The following DNAH12 variants were observed in gnomAD, a reference collection of about 807,000 sequenced individuals.
DNAH12 encodes dynein axonemal heavy chain 12.
DNAH12 carries 285 observed loss-of-function variants against 371.5 expected under a neutral mutation model. That is an observed-to-expected ratio of 0.77 (90% confidence interval 0.70 to 0.85). The LOEUF (loss-of-function observed/expected upper bound fraction) is 0.85, where lower values mean the gene tolerates loss of function less well. Ranked by LOEUF, DNAH12 falls within the 40% of genes least tolerant of loss-of-function variation. DNAH12 has a pLI of 0.00. For synonymous variants in DNAH12, 1,200 were observed against 1,213.0 expected, an observed-to-expected ratio of 0.99 and a Z score of 0.22; for missense variants, 3,611 against 3,689.4, an observed-to-expected ratio of 0.98 and a Z score of 0.55.
chr3:57,375,732 C>CCATTAG (rs1553668979), intron 54 of DNAH12, 86 bp downstream of exon 54: 1 of 132,484 alleles, frequency 7.5e-6, no homozygotes, highest in Admixed American at 7.0e-5. Context: ...TTCTCTTCTG[C>CCATTAG]CATTATTATC....
Position 57,310,963 on chromosome 3 carries a change from A to T in DNAH12, c.10663-13T>A. 6.6e-7 allele frequency: 1 copy of T among 1,517,604 alleles called. No homozygotes were observed. Among genetic ancestry groups the T allele is most frequent in the Non-Finnish European group, 8.9e-7 (1 of 1,118,034 alleles). The allele number at this position is 1,517,604 out of a possible 1,614,324, so 94.0% of individuals were successfully genotyped here. The stretch of plus-strand genomic sequence containing the variant: ...CATTGATAAATAACTGAAGCAAAGG[A>T]AAAATGAAACAAGAAAAACCTTAAA... On this transcript the variant is annotated splice_polypyrimidine_tract_variant and intron_variant, in intron 66 of 73. Coordinates refer to ENST00000495027, the MANE Select transcript of DNAH12 (RefSeq NM_001366028.2).
chr3:57,383,387 G>A (rs1206730192), intron 49 of DNAH12, among the ~76,000 whole-genome samples: 16 of 152,088 alleles, frequency 1.1e-4, no homozygotes, highest in South Asian at 2.1e-4. Flanking sequence ...ATTGGTGAGA[G>A]TTTGAAGCCA....
At chr3:57,402,359 T>C (rs1316057475) in intron 43 of DNAH12, 48 of 1,298,062 alleles carry the variant, frequency 3.7e-5, no homozygotes, top group Non-Finnish European at 4.6e-5. Context: ...TACAGACCCC[T>C]AGGCATATAA....
At position 57,444,738 on chromosome 3, in the gene DNAH12, C is replaced by A; in HGVS notation, c.4504G>T (p.Asp1502Tyr). ...GGAAGTTTAATACCAGGAAATAAGT[C>A]ACTAGTTATTCCATTAAATAAAGGT... ...DIPLFNGITS[D>Y]LFPGIKLPEA... Residue 1502 changes from aspartate (D) to tyrosine (Y), a missense_variant, in exon 29 of 74, where the codon GAC becomes TAC. Asp to Tyr is a radical substitution (Grantham distance 160). This residue lies in a region of DNAH12 where 2,266 missense variants were observed against 2,236.9 expected (regional missense o/e 1.01). Transcript: ENST00000495027. 1.3e-6 allele frequency: 2 copies of A among 1,549,850 alleles called. No homozygotes were observed. Among genetic ancestry groups the A allele is most frequent in the South Asian group, 2.4e-5 (2 of 83,632 alleles).
chr3:57,328,179 G>C (rs1383501980), intron 62 of DNAH12, among the ~76,000 whole-genome samples: 1 of 149,270 alleles, frequency 6.7e-6, no homozygotes, highest in African/African-American at 2.5e-5. Context: ...CCAATCAATA[G>C]AAAAAGAGGG....
intron 30 of DNAH12, among the ~76,000 whole-genome samples, chr3:57,435,573 T>C (rs17058154): frequency 0.014 from 2,157 of 152,076 alleles, 54 homozygotes; most frequent in African/African-American, 0.049. Context: ...TAGAATCAAA[T>C]AGATAAAAAG....
Position 57,316,729 on chromosome 3 carries a change from C to T in DNAH12, c.10525-2098G>A, listed in dbSNP as rs1473458361. On this transcript the variant is annotated intron_variant, in intron 65 of 73. Transcript: ENST00000495027. ...CTGTTCTTGTGATAGTGAGTTCTCA[C>T]GAGATCCGATGGTTTTATAAGTGTT... Among the ~76,000 whole-genome samples the T allele has an allele frequency of 3.9e-5, 6 of 152,180 alleles. No individual in the cohort carries two copies. In the East Asian group the frequency reaches 7.7e-4, roughly 20 times the overall value.
At chr3:57,390,424 A>AAAAAAATATATATATATATATATAT in intron 45 of DNAH12, among the ~76,000 whole-genome samples, 7 of 33,428 alleles carry the variant, frequency 2.1e-4, no homozygotes, top group South Asian at 2.7e-3. Context: ...AAAAAAAAAA[A>AAAAAAATATATATATATATATATAT]ATATATATAT....
chr3:57,392,353 G>GA (rs1443110888), intron 44 of DNAH12, among the ~76,000 whole-genome samples: 1 of 151,940 alleles, frequency 6.6e-6, no homozygotes, highest in African/African-American at 2.4e-5. Flanking sequence ...GTTTTTAAGA[G>GA]AAAAAAATGT....
At position 57,445,426 on chromosome 3, in the gene DNAH12, T is replaced by C. The variant is rs956352217; in HGVS notation, c.4180-7A>G. 2.7e-5 allele frequency: 40 copies of C among 1,505,842 alleles called. No individual in the cohort carries two copies. The African/African-American group carries it at 5.4e-4, about 20-fold the overall frequency. 93.3% of individuals were successfully genotyped at this position (1,505,842 alleles called of 1,614,324 possible). ...CCACTGTTCTAAAAAGAACCTGAAG[T>C]ATAAAATAAATGAAATATATTACGT... On this transcript the variant is annotated splice_region_variant and splice_polypyrimidine_tract_variant and intron_variant, in intron 27 of 73. Transcript: ENST00000495027.
chr3:57,509,037 A>G (rs1476656779), intron 6 of DNAH12, 103 bp downstream of exon 6: 1 of 1,013,054 alleles, frequency 9.9e-7, no homozygotes, highest in Non-Finnish European at 1.5e-6. Context: ...TGTGTTCAAA[A>G]TACCTTTGAG....
At chr3:57,328,192 T>A (rs1388837755) in intron 62 of DNAH12, among the ~76,000 whole-genome samples, 1 of 150,024 alleles carries the variant, frequency 6.7e-6, no homozygotes, top group Non-Finnish European at 1.5e-5. Context: ...AAAGAGGGAA[T>A]CCTCCCTAAC....
intron 13 of DNAH12, among the ~76,000 whole-genome samples, chr3:57,476,946 G>C (rs1051628579): frequency 6.6e-6 from 1 of 152,114 alleles, no homozygotes; most frequent in South Asian, 2.1e-4. Flanking sequence ...TAAGGGGGTG[G>C]AGCCAAGATG....
intron 69 of DNAH12, among the ~76,000 whole-genome samples, chr3:57,308,316 G>T (rs1481552887): frequency 1.3e-5 from 2 of 152,086 alleles, no homozygotes; most frequent in Non-Finnish European, 2.9e-5. Context: ...CACCCAAGCA[G>T]TTCCTCAGGC....
chr3:57,488,602 T>C lies in DNAH12; in HGVS notation c.1514+907A>G, dbSNP rs375526327. Among the ~76,000 whole-genome samples, 8 of 152,186 alleles carry C rather than the reference T, an allele frequency of 5.3e-5. No individual in the cohort carries two copies. In the East Asian group the frequency reaches 9.6e-4, roughly 18 times the overall value. On this transcript the variant is annotated intron_variant, in intron 12 of 73. Transcript: ENST00000495027. ...TAATGGCAATCAGTATTCAAATTCA[T>C]GTCTTTCTGATTCCAAAGCATGCAA...
chr3:57,339,221 C>T (rs1356409553), intron 60 of DNAH12, among the ~76,000 whole-genome samples: 4 of 151,916 alleles, frequency 2.6e-5, no homozygotes, highest in African/African-American at 9.7e-5. Context: ...TCTCAAGTAC[C>T]CAGGGACACA....
chr3:57,532,335 A>G (rs1220132658), intron 2 of DNAH12, among the ~76,000 whole-genome samples: 1 of 152,108 alleles, frequency 6.6e-6, no homozygotes, highest in Non-Finnish European at 1.5e-5. Flanking sequence ...CTCCAGGATT[A>G]GTTCCTGGTG....
chr3:57,497,202 C>T (rs1324734447), intron 11 of DNAH12, among the ~76,000 whole-genome samples: 1 of 152,154 alleles, frequency 6.6e-6, no homozygotes, highest in East Asian at 1.9e-4. Flanking sequence ...GGAATCCTAA[C>T]CAAAATCCTA....
chr3:57,350,899 T>C (rs1470665164), intron 60 of DNAH12, among the ~76,000 whole-genome samples: 1 of 152,194 alleles, frequency 6.6e-6, no homozygotes, highest in Non-Finnish European at 1.5e-5. Context: ...TCATTAGTCA[T>C]CAGAGAAATA....
Sources: gnomAD v4.1 joint callset for allele counts (sites outside exome capture counted in the v4.1 genomes callset) on GRCh38, gnomAD v4.1.1 for gene constraint, gnomAD v4.1.1 regional missense constraint, MANE v1.5 for transcripts, NCBI Gene and HGNC (gene_info 2026-07-23, HGNC 2026-07-21) for gene names.